Variants in SGPP2 observed in about 807,000 individuals in gnomAD.
SGPP2 encodes the protein sphingosine 1-phosphate phosphohydrolase 2.
A neutral mutation model predicts 33.9 loss-of-function variants in SGPP2; 30 were observed. The ratio of observed to expected loss-of-function variants is 0.89; its 90% CI spans 0.66 to 1.20. The LOEUF (loss-of-function observed/expected upper bound fraction) is 1.20, where lower values mean the gene tolerates loss of function less well. SGPP2 is among the 50% of genes most tolerant of loss of function. The pLI is 0.00. For synonymous variants in SGPP2, 233 were observed against 225.0 expected, an observed-to-expected ratio of 1.04 and a Z score of -0.32; for missense variants, 458 against 532.1, an observed-to-expected ratio of 0.86 and a Z score of 1.37.
intron 4 of SGPP2, among the ~76,000 whole-genome samples, chr2:222,542,172 G>A (rs1699007843): frequency 6.6e-6 from 1 of 152,146 alleles, no homozygotes; most frequent in African/African-American, 2.4e-5. Context: ...CACACAGTAT[G>A]CTTTGTTCTG....
intron 1 of SGPP2, among the ~76,000 whole-genome samples, chr2:222,449,500 C>T (rs893466468): frequency 7.6e-5 from 11 of 144,758 alleles, no homozygotes; most frequent in African/African-American, 2.3e-4. Flanking sequence ...GACGGAGTCT[C>T]GCTCTGTCAC....
chr2:222,434,975 T>TACACACACACAC (rs71053082), intron 1 of SGPP2, among the ~76,000 whole-genome samples: 119 of 146,088 alleles, frequency 8.1e-4, no homozygotes, highest in African/African-American at 1.7e-3. Flanking sequence ...TGGAGATATA[T>TACACACACACAC]ACACACACAC....
chr2:222,495,848 A>G (rs868692680), intron 2 of SGPP2, among the ~76,000 whole-genome samples: 2 of 152,264 alleles, frequency 1.3e-5, no homozygotes, highest in South Asian at 2.1e-4. Context: ...GTTTCTCTCC[A>G]TCTATAGACC....
intron 2 of SGPP2, among the ~76,000 whole-genome samples, chr2:222,484,924 C>A (rs562578015): frequency 1.7e-4 from 26 of 152,178 alleles, no homozygotes; most frequent in African/African-American, 6.0e-4. Context: ...TTTTTTAAAC[C>A]AATCAATTCC....
intron 2 of SGPP2, among the ~76,000 whole-genome samples, chr2:222,475,414 AG>A (rs1197532587): frequency 8.8e-6 from 1 of 114,042 alleles, no homozygotes. Flanking sequence ...CAGAGAAGAA[AG>A]GAACCTTTCT....
intron 4 of SGPP2, among the ~76,000 whole-genome samples, chr2:222,528,508 G>A (rs1336764712): frequency 6.6e-6 from 1 of 152,168 alleles, no homozygotes; most frequent in Admixed American, 6.5e-5. Context: ...AATGATCTGG[G>A]CCTTCTGTGA....
At chr2:222,528,560 A>G (rs1426920437) in intron 4 of SGPP2, among the ~76,000 whole-genome samples, 1 of 152,132 alleles carries the variant, frequency 6.6e-6, no homozygotes, top group Non-Finnish European at 1.5e-5. Context: ...CTCAGTGTTG[A>G]TGGCTGCTGA....
At chr2:222,518,359 C>T (rs1698636366) in intron 2 of SGPP2, among the ~76,000 whole-genome samples, 1 of 152,078 alleles carries the variant, frequency 6.6e-6, no homozygotes, top group African/African-American at 2.4e-5. Context: ...GGAGAGTCAC[C>T]CAATCATTAT....
Position 222,560,897 on chromosome 2 carries a change from G to A in SGPP2, c.*1999G>A, listed in dbSNP as rs1221998893. 11 of 152,180 alleles carry A rather than the reference G, an allele frequency of 7.2e-5. No homozygotes were observed. The highest frequency in any genetic ancestry group is 2.4e-4 in the African/African-American group (10 of 41,440). 9.4% of individuals were successfully genotyped at this position (152,180 alleles called of 1,614,324 possible). On this transcript the variant is annotated 3_prime_UTR_variant, in exon 5 of 5. Transcript: ENST00000321276. ...CCGAGGTGGGCGGACCACGAGGTCAGGAGATCGAGACCATCCTGGCTAACA... is the reference window on the plus strand; with the variant it reads ...CCGAGGTGGGCGGACCACGAGGTCAAGAGATCGAGACCATCCTGGCTAACA...
intron 2 of SGPP2, among the ~76,000 whole-genome samples, chr2:222,513,762 G>GCCA (rs1698563815): frequency 6.6e-6 from 1 of 151,724 alleles, no homozygotes; most frequent in African/African-American, 2.4e-5. Flanking sequence ...GAGTGATGTG[G>GCCA]CCACAGGTCA....
At chr2:222,471,154 A>G (rs1238558425) in intron 1 of SGPP2, among the ~76,000 whole-genome samples, 1 of 152,140 alleles carries the variant, frequency 6.6e-6, no homozygotes, top group Non-Finnish European at 1.5e-5. Context: ...TTTAGATTAC[A>G]TGTACTTACC....
intron 2 of SGPP2, among the ~76,000 whole-genome samples, chr2:222,509,810 G>A (rs1427001709): frequency 1.3e-5 from 2 of 152,086 alleles, no homozygotes; most frequent in Non-Finnish European, 2.9e-5. Flanking sequence ...ATACAATTCA[G>A]CATATTCACA....
intron 1 of SGPP2, among the ~76,000 whole-genome samples, chr2:222,443,336 A>G (rs796847413): frequency 6.6e-6 from 1 of 152,170 alleles, no homozygotes; most frequent in South Asian, 2.1e-4. Flanking sequence ...GGTAGTGACC[A>G]TAGTACCTGA....
intron 2 of SGPP2, among the ~76,000 whole-genome samples, chr2:222,515,069 C>A (rs75894699): frequency 6.6e-6 from 1 of 151,490 alleles, no homozygotes; most frequent in Non-Finnish European, 1.5e-5. Context: ...TTCTGCCCTA[C>A]TGCTGACTTA....
At chr2:222,469,207 G>A (rs140324103) in intron 1 of SGPP2, among the ~76,000 whole-genome samples, 2,505 of 151,748 alleles carry the variant, frequency 0.017, 69 homozygotes, top group African/African-American at 0.057. Flanking sequence ...TTTTTGAGAC[G>A]GAGTCTCGCT....
At chr2:222,487,129 A>G (rs1360253713) in intron 2 of SGPP2, among the ~76,000 whole-genome samples, 1 of 152,176 alleles carries the variant, frequency 6.6e-6, no homozygotes, top group Non-Finnish European at 1.5e-5. Context: ...TGGACATTGG[A>G]GAAGACTCAT....
chr2:222,475,779 A>G (rs1484919687), intron 2 of SGPP2, among the ~76,000 whole-genome samples: 1 of 152,216 alleles, frequency 6.6e-6, no homozygotes, highest in Non-Finnish European at 1.5e-5. Context: ...GCAGCAAGGC[A>G]TACTCCAGAT....
At chr2:222,516,821 C>T (rs1323774802) in intron 2 of SGPP2, among the ~76,000 whole-genome samples, 1 of 152,194 alleles carries the variant, frequency 6.6e-6, no homozygotes, top group Non-Finnish European at 1.5e-5. Flanking sequence ...TAAATACTGA[C>T]TATTATAGTA....
At chr2:222,527,953 C>T (rs981386885) in intron 4 of SGPP2, among the ~76,000 whole-genome samples, 21 of 152,178 alleles carry the variant, frequency 1.4e-4, no homozygotes, top group Admixed American at 3.9e-4. Flanking sequence ...CCTATGCCAC[C>T]CCTCAGGTGT....
Sources: allele counts gnomAD v4.1 joint callset (sites outside exome capture counted in the v4.1 genomes callset), GRCh38; gene constraint gnomAD v4.1.1; transcripts MANE v1.5; gene names NCBI Gene and HGNC (gene_info 2026-07-23, HGNC 2026-07-21).